ZNF423: variants seen among roughly 807,000 people sequenced by gnomAD.
The protein encoded by ZNF423 is zinc finger protein 423, also known as Ebf-associated zinc finger protein.
In ZNF423, 12 loss-of-function variants were observed where a neutral mutation model predicts 95.8. That is an observed-to-expected ratio of 0.13 (90% CI 0.08 to 0.20). The LOEUF (loss-of-function observed/expected upper bound fraction) is 0.20. Among genes scored for constraint, ZNF423 ranks in the 10% least tolerant of loss-of-function variants. The probability of loss-of-function intolerance (pLI) is 1.00; values close to 1 mark genes in which losing one functional copy is unlikely to be tolerated. For missense variants in ZNF423, 1,316 were observed against 1,737.1 expected (o/e 0.76, Z 4.31); for synonymous variants, 749 against 711.9 (o/e 1.05, Z -0.83).
chr16:49,542,439 G>A (rs1345814503), intron 5 of ZNF423, among the ~76,000 whole-genome samples: 2 of 152,228 alleles, frequency 1.3e-5, no homozygotes, highest in African/African-American at 2.4e-5. Flanking sequence ...CACCTGCTGG[G>A]CTGGTCCCTA....
chr16:49,849,845 G>C (rs78884095), intron 1 of ZNF423, among the ~76,000 whole-genome samples: 2,356 of 152,308 alleles, frequency 0.015, 30 homozygotes, highest in East Asian at 0.054. Flanking sequence ...CAACAGCAAC[G>C]TAACAAAGAA....
chr16:49,734,462 A>C (rs1596943554), intron 2 of ZNF423, among the ~76,000 whole-genome samples: 1 of 152,224 alleles, frequency 6.6e-6, no homozygotes, highest in African/African-American at 2.4e-5. Flanking sequence ...CAGTGAAGCA[A>C]CTTCAACAGG....
chr16:49,755,633 G>A (rs910485334), intron 2 of ZNF423, among the ~76,000 whole-genome samples: 6 of 152,192 alleles, frequency 3.9e-5, no homozygotes, highest in African/African-American at 1.4e-4. Context: ...TGAAGCACAA[G>A]CTATCGGGAA....
In ZNF423 at chr16:49,490,990, TA is replaced by T; in HGVS notation, c.*284del. Reference sequence around the variant, plus strand: ...ATGAAGGAACAAAGGACAATAGCCTTAAAAAGCAGGTTTCTCTAACTCTAGA... The same window carrying T: ...ATGAAGGAACAAAGGACAATAGCCTTAAAAGCAGGTTTCTCTAACTCTAGA... On this transcript the variant is annotated 3_prime_UTR_variant, in exon 8 of 8. Coordinates refer to ENST00000563137, the MANE Select transcript of ZNF423 (RefSeq NM_001379286.1). 1 of 451,372 alleles carries T rather than the reference TA, an allele frequency of 2.2e-6. No homozygotes were observed. Among genetic ancestry groups the T allele is most frequent in the Non-Finnish European group, 4.0e-6 (1 of 249,728 alleles). 28.0% of individuals were successfully genotyped at this position (451,372 alleles called of 1,614,324 possible).
chr16:49,718,765 T>A (rs2032780973), intron 3 of ZNF423, among the ~76,000 whole-genome samples: 1 of 152,130 alleles, frequency 6.6e-6, no homozygotes, highest in Non-Finnish European at 1.5e-5. Context: ...AGCTGGGCAG[T>A]CCTCTGGGTC....
chr16:49,611,393 A>C (rs1211181530), intron 5 of ZNF423, among the ~76,000 whole-genome samples: 1 of 152,054 alleles, frequency 6.6e-6, no homozygotes, highest in Non-Finnish European at 1.5e-5. Context: ...ACGTACCTCT[A>C]AATAATCATG....
At chr16:49,702,699 G>A (rs1400930582) in intron 3 of ZNF423, among the ~76,000 whole-genome samples, 4 of 152,260 alleles carry the variant, frequency 2.6e-5, no homozygotes, top group Non-Finnish European at 4.4e-5. Flanking sequence ...GAGAGGCTCC[G>A]AGGAATTAGC....
chr16:49,776,178 C>T (rs2034116086), intron 2 of ZNF423, among the ~76,000 whole-genome samples: 1 of 152,202 alleles, frequency 6.6e-6, no homozygotes, highest in Non-Finnish European at 1.5e-5. Flanking sequence ...GCTGAGTTTC[C>T]CTCCTGGGAG....
chr16:49,646,805 C>T (rs1339731289), intron 3 of ZNF423, among the ~76,000 whole-genome samples: 2 of 152,140 alleles, frequency 1.3e-5, no homozygotes, highest in Non-Finnish European at 2.9e-5. Flanking sequence ...AACTCCTGAC[C>T]TTGCGATCCA....
intron 1 of ZNF423, among the ~76,000 whole-genome samples, chr16:49,842,298 GGAGGGGAGGC>G (rs1567368251): frequency 3.8e-5 from 1 of 26,188 alleles, no homozygotes; most frequent in Non-Finnish European, 7.2e-5. Context: ...GGAGGGGAGG[GGAGGGGAGGC>G]GAGGGAAGGG....
chr16:49,513,676 C>A (rs28548059), intron 7 of ZNF423, among the ~76,000 whole-genome samples: 2 of 70,942 alleles, frequency 2.8e-5, no homozygotes, highest in African/African-American at 1.2e-4. Context: ...GATGGATGGA[C>A]GGACGGATGG....
chr16:49,765,936 G>T (rs1217917847), intron 2 of ZNF423, among the ~76,000 whole-genome samples: 1 of 152,176 alleles, frequency 6.6e-6, no homozygotes, highest in African/African-American at 2.4e-5. Flanking sequence ...CGGGGAATGG[G>T]GAGTGAGTGT....
chr16:49,506,920 G>C (rs1035544865), intron 7 of ZNF423, among the ~76,000 whole-genome samples: 4 of 151,954 alleles, frequency 2.6e-5, no homozygotes, highest in Non-Finnish European at 5.9e-5. Flanking sequence ...TAGATGGATT[G>C]GTGGGTGGAT....
At chr16:49,787,338 AAAAC>A (rs2034331678) in intron 2 of ZNF423, among the ~76,000 whole-genome samples, 1 of 152,224 alleles carries the variant, frequency 6.6e-6, no homozygotes, top group African/African-American at 2.4e-5. Context: ...CAAAGAAAAC[AAAAC>A]AATTCCTGGC....
chr16:49,559,386 G>C (rs775071110), intron 5 of ZNF423, among the ~76,000 whole-genome samples: 7 of 152,174 alleles, frequency 4.6e-5, no homozygotes, highest in Non-Finnish European at 8.8e-5. Context: ...ATCAGCATGG[G>C]GCCAGATGGC....
chr16:49,502,081 GTTTAAAGTACTA>G (rs1967425725), intron 7 of ZNF423, among the ~76,000 whole-genome samples: 1 of 152,138 alleles, frequency 6.6e-6, no homozygotes, highest in East Asian at 1.9e-4. Flanking sequence ...CTTTCTTGAT[GTTTAAAGTACTA>G]TGCAAGCCCA....
At chr16:49,727,167 G>A (rs2033042177) in intron 3 of ZNF423, among the ~76,000 whole-genome samples, 1 of 152,228 alleles carries the variant, frequency 6.6e-6, no homozygotes, top group Non-Finnish European at 1.5e-5. Context: ...AGAGCGAGAG[G>A]GAGAGAGAGG....
At chr16:49,535,602 G>C (rs1437699627) in intron 5 of ZNF423, among the ~76,000 whole-genome samples, 3 of 152,150 alleles carry the variant, frequency 2.0e-5, no homozygotes, top group Non-Finnish European at 4.4e-5. Context: ...ACTTCACTGA[G>C]AACCGAGGAA....
intron 3 of ZNF423, among the ~76,000 whole-genome samples, chr16:49,679,954 G>A (rs1452771871): frequency 6.6e-6 from 1 of 152,244 alleles, no homozygotes; most frequent in Non-Finnish European, 1.5e-5. Context: ...ACCAGCTGCA[G>A]GAAGGAGCTA....
Sources: gnomAD v4.1 joint callset for allele counts (sites outside exome capture counted in the v4.1 genomes callset) on GRCh38, gnomAD v4.1.1 for gene constraint, MANE v1.5 for transcripts, NCBI Gene and HGNC (gene_info 2026-07-23, HGNC 2026-07-21) for gene names.